NOX4: variants seen among roughly 807,000 people sequenced by gnomAD.
NOX4 encodes NADPH oxidase 4, also known as kidney oxidase-1.
In NOX4, 69 loss-of-function variants were observed where a neutral mutation model predicts 87.6. That is an observed-to-expected ratio of 0.79 (90% CI 0.65 to 0.96). The LOEUF (loss-of-function observed/expected upper bound fraction) is 0.96. Among genes scored for constraint, NOX4 ranks in the 40% least tolerant of loss-of-function variants. NOX4 has a pLI of 0.00. For synonymous variants in NOX4, 275 were observed against 238.2 expected, an observed-to-expected ratio of 1.15 and a Z score of -1.42; for missense variants, 680 against 681.5, an observed-to-expected ratio of 1.00 and a Z score of 0.02.
At chr11:89,441,378 G>T (rs1391785352) in intron 5 of NOX4, among the ~76,000 whole-genome samples, 1 of 152,106 alleles carries the variant, frequency 6.6e-6, no homozygotes, top group East Asian at 1.9e-4. Context: ...ATCGCCACTA[G>T]ATTTGTGGAT....
chr11:89,342,222 A>T, intron 13 of NOX4, 29 bp from the exon 14 acceptor site: 1 of 1,584,154 alleles, frequency 6.3e-7, no homozygotes, highest in East Asian at 2.3e-5. Context: ...AAGGTGGGAA[A>T]AAAATGAAAA....
intron 2 of NOX4, among the ~76,000 whole-genome samples, chr11:89,481,364 G>A (rs1946383964): frequency 6.8e-6 from 1 of 147,084 alleles, no homozygotes; most frequent in South Asian, 2.1e-4. Flanking sequence ...AATATTTATA[G>A]TAATAGTTAT....
At chr11:89,588,879 A>G in the NOX4 span, among the ~76,000 whole-genome samples, 1 of 152,192 alleles carries the variant, frequency 6.6e-6, no homozygotes, top group Non-Finnish European at 1.5e-5. Context: ...ATATATACAC[A>G]TGAAATTAAC....
chr11:89,387,358 C>A (rs1251663012), intron 11 of NOX4, among the ~76,000 whole-genome samples: 3 of 151,852 alleles, frequency 2.0e-5, no homozygotes, highest in Non-Finnish European at 2.9e-5. Context: ...CACCTTGTGA[C>A]CCCCATCCCT....
chr11:89,425,385 G>A (rs1342694702), intron 7 of NOX4, among the ~76,000 whole-genome samples: 3 of 146,582 alleles, frequency 2.0e-5, no homozygotes, highest in Admixed American at 6.8e-5. Context: ...ATGGATGGGG[G>A]TGTTTGTTTC....
At chr11:89,463,226 G>T (rs1025885828) in intron 2 of NOX4, among the ~76,000 whole-genome samples, 1 of 151,476 alleles carries the variant, frequency 6.6e-6, no homozygotes, top group African/African-American at 2.4e-5. Flanking sequence ...CTATTCTCTG[G>T]ATTACCACTG....
chr11:89,395,707 C>T (rs1941436083), intron 11 of NOX4, among the ~76,000 whole-genome samples: 1 of 152,198 alleles, frequency 6.6e-6, no homozygotes, highest in Non-Finnish European at 1.5e-5. Flanking sequence ...GATCCAGTTT[C>T]AGCTTTCTAC....
chr11:89,520,443 T>C, the NOX4 span, among the ~76,000 whole-genome samples: 1 of 152,058 alleles, frequency 6.6e-6, no homozygotes, highest in African/African-American at 2.4e-5. Context: ...AAAAGAATAG[T>C]TTGAATTCTC....
At chr11:89,344,047 T>C (rs1946115704) in intron 13 of NOX4, among the ~76,000 whole-genome samples, 1 of 151,528 alleles carries the variant, frequency 6.6e-6, no homozygotes, top group South Asian at 2.1e-4. Flanking sequence ...TGAATGTGAA[T>C]ATACTTGTTA....
intron 7 of NOX4, among the ~76,000 whole-genome samples, chr11:89,426,529 C>T (rs1591202616): frequency 6.6e-6 from 1 of 152,210 alleles, no homozygotes; most frequent in South Asian, 2.1e-4. Context: ...TACCCTAATA[C>T]TGTGCTTTTC....
intron 8 of NOX4, among the ~76,000 whole-genome samples, chr11:89,410,569 G>C (rs867888197): frequency 6.6e-6 from 1 of 152,086 alleles, no homozygotes; most frequent in African/African-American, 2.4e-5. Context: ...GTTGGAACTC[G>C]CAGATACATA....
the NOX4 span, among the ~76,000 whole-genome samples, chr11:89,556,673 A>T: frequency 6.6e-6 from 1 of 152,150 alleles, no homozygotes; most frequent in African/African-American, 2.4e-5. Context: ...ACTATTCACT[A>T]AAAGAAATGG....
At chr11:89,582,077 T>C in the NOX4 span, among the ~76,000 whole-genome samples, 1 of 152,166 alleles carries the variant, frequency 6.6e-6, no homozygotes, top group African/African-American at 2.4e-5. Context: ...CTTGTTCTAT[T>C]AGGTTGACTA....
intron 2 of NOX4, 28 bp downstream of exon 2, chr11:89,490,430 C>T (rs1237772026): frequency 6.8e-7 from 1 of 1,479,914 alleles, no homozygotes; most frequent in Middle Eastern, 1.7e-4. Flanking sequence ...ACCCATTCCA[C>T]CAGATTATCC....
intron 2 of NOX4, among the ~76,000 whole-genome samples, chr11:89,452,327 A>G (rs1210719301): frequency 6.6e-6 from 1 of 151,960 alleles, no homozygotes; most frequent in Non-Finnish European, 1.5e-5. Context: ...TCTCTGGAAC[A>G]CTCTCAGTCT....
At chr11:89,478,292 T>A (rs925169817) in intron 2 of NOX4, among the ~76,000 whole-genome samples, 2 of 152,210 alleles carry the variant, frequency 1.3e-5, no homozygotes, top group African/African-American at 2.4e-5. Context: ...TGTTTCTATA[T>A]TGAAATTTTC....
At chr11:89,396,231 G>A (rs1941472502) in intron 11 of NOX4, among the ~76,000 whole-genome samples, 2 of 152,120 alleles carry the variant, frequency 1.3e-5, no homozygotes, top group Admixed American at 1.3e-4. Flanking sequence ...TCCCTTGTAA[G>A]TTGGATTCCT....
chr11:89,444,059 T>C (rs976014922), intron 5 of NOX4, 76 bp downstream of exon 5: 60 of 1,277,062 alleles, frequency 4.7e-5, no homozygotes, highest in Non-Finnish European at 6.8e-5. Context: ...GTACAAATTT[T>C]CAGGGAAAAA....
intron 7 of NOX4, among the ~76,000 whole-genome samples, chr11:89,430,957 C>T (rs371499765): frequency 1.2e-3 from 188 of 152,278 alleles, no homozygotes; most frequent in South Asian, 9.1e-3. Flanking sequence ...TCAAACAATA[C>T]TACAAGGCTG....
Sources: allele counts gnomAD v4.1 joint callset (sites outside exome capture counted in the v4.1 genomes callset), GRCh38; gene constraint gnomAD v4.1.1; transcripts MANE v1.5; gene names NCBI Gene and HGNC (gene_info 2026-07-23, HGNC 2026-07-21).